Variants in GTF2I observed in about 807,000 individuals in gnomAD.
The protein encoded by GTF2I is general transcription factor II-I.
In GTF2I, 12 loss-of-function variants were observed where a neutral mutation model predicts 67.6. The observed-to-expected ratio is 0.18, with a 90% CI of 0.11 to 0.29. The LOEUF is 0.29. GTF2I is among the 10% of genes least tolerant of loss of function. GTF2I has a pLI of 1.00. For synonymous variants in GTF2I, 149 were observed against 197.0 expected (o/e 0.76, Z 2.04); for missense variants, 271 against 580.1 (o/e 0.47, Z 5.47).
intron 6 of GTF2I, among the ~76,000 whole-genome samples, chr7:74,702,105 T>C (rs1789859472): frequency 1.3e-5 from 2 of 152,214 alleles, no homozygotes; most frequent in South Asian, 4.1e-4. Flanking sequence ...CACCTTTGGG[T>C]ATTGGGAATA....
At chr7:74,683,920 T>C (rs1554394758) in intron 1 of GTF2I, among the ~76,000 whole-genome samples, 1 of 151,956 alleles carries the variant, frequency 6.6e-6, no homozygotes, top group Non-Finnish European at 1.5e-5. Flanking sequence ...CAGAGCAAAA[T>C]GTCCTCATTT....
rs188745867 is a variant in GTF2I at position 74,697,179 on chromosome 7, C to T, written c.239-1782C>T. Among the ~76,000 whole-genome samples the T allele has an allele frequency of 4.6e-3, 694 of 152,006 alleles. 2 individuals are homozygous for T. Among genetic ancestry groups the T allele is most frequent in the African/African-American group, 0.016 (669 of 41,484 alleles). On this transcript the variant is annotated intron_variant, in intron 3 of 34. Transcript: ENST00000573035. ...TTGGGAGGCAGAGGCAGGCGGATCACGAGGTCAGGAGATCGAGACCATGTG... is the reference window on the plus strand; with the variant it reads ...TTGGGAGGCAGAGGCAGGCGGATCATGAGGTCAGGAGATCGAGACCATGTG...
At chr7:74,689,672 T>C (rs1483371346) in intron 2 of GTF2I, among the ~76,000 whole-genome samples, 1 of 151,636 alleles carries the variant, frequency 6.6e-6, no homozygotes, top group Non-Finnish European at 1.5e-5. Context: ...TTTTTCTTCT[T>C]GAATAGTTAT....
At chr7:74,706,995 A>G (rs1359985637) in intron 8 of GTF2I, among the ~76,000 whole-genome samples, 3 of 152,136 alleles carry the variant, frequency 2.0e-5, no homozygotes, top group African/African-American at 7.2e-5. Flanking sequence ...GATTACAGGC[A>G]TACGCCATCA....
At position 74,708,953 on chromosome 7, in the gene GTF2I, G is replaced by C. The variant is rs587678237; in HGVS notation, c.686-2079G>C. On this transcript the variant is annotated intron_variant, in intron 8 of 34. Transcript: ENST00000573035. ...AATGGGGGGACACAGTGTTCCAGCAGTCACACCCATCGCTGGGAGACTGAC... is the reference window on the plus strand; with the variant it reads ...AATGGGGGGACACAGTGTTCCAGCACTCACACCCATCGCTGGGAGACTGAC... 2.0e-5 allele frequency among the ~76,000 whole-genome samples: 3 copies of C among 152,316 alleles called. 1 individual carries two copies. The highest frequency in any genetic ancestry group is 2.0e-4 in the Admixed American group (3 of 15,300).
Position 74,689,171 on chromosome 7 carries a change from G to C in GTF2I, c.43G>C (p.Glu15Gln). ...AMSTLPVEDE[E>Q]SSESRMVVTF... ...GTCCACCCTCCCCGTTGAAGATGAG[G>C]AGTCCTCGGAGAGCAGGATGGTGGT... is the stretch of plus-strand genomic sequence containing the variant. Residue 15 changes from glutamate (E) to glutamine (Q), a missense_variant, in exon 2 of 35, where the codon GAG (glutamate) becomes CAG (glutamine). Physicochemically the swap from Glu to Gln is conservative, Grantham distance 29. Transcript: ENST00000573035. The C allele has an allele frequency of 6.2e-7, 1 of 1,613,074 alleles. No homozygotes were observed. Among genetic ancestry groups the C allele is most frequent in the Non-Finnish European group, 8.5e-7 (1 of 1,179,270 alleles).
chr7:74,710,910 TAA>T, intron 8 of GTF2I, 120 bp from the exon 9 acceptor site: 1 of 546,854 alleles, frequency 1.8e-6, no homozygotes, highest in East Asian at 3.5e-5. Flanking sequence ...TTCAAAGACG[TAA>T]AGTCTTTACT....
intron 14 of GTF2I, among the ~76,000 whole-genome samples, chr7:74,730,787 A>G (rs1794409626): frequency 8.9e-6 from 1 of 112,782 alleles, no homozygotes; most frequent in East Asian, 3.1e-4. Context: ...GCTCATTGCA[A>G]CCTCCGCCTC....
intron 14 of GTF2I, among the ~76,000 whole-genome samples, chr7:74,731,527 G>GT (rs1298021398): frequency 1.5e-5 from 2 of 132,382 alleles, no homozygotes; most frequent in Non-Finnish European, 3.1e-5. Context: ...TTTGCCCGTG[G>GT]TTTTTTGTTT....
At chr7:74,700,134 T>C in intron 4 of GTF2I, 113 bp from the exon 5 acceptor site, 1 of 1,064,712 alleles carries the variant, frequency 9.4e-7, no homozygotes. Flanking sequence ...AATTTTGAAA[T>C]CATATATTAT....
intron 1 of GTF2I, among the ~76,000 whole-genome samples, chr7:74,659,550 G>A (rs1408029846): frequency 1.3e-5 from 2 of 151,872 alleles, no homozygotes; most frequent in Non-Finnish European, 2.9e-5. Context: ...CACCACGCCC[G>A]GCTAATTTTT....
At chr7:74,691,438 T>A (rs1031471094) in intron 3 of GTF2I, among the ~76,000 whole-genome samples, 1 of 152,222 alleles carries the variant, frequency 6.6e-6, no homozygotes, top group Non-Finnish European at 1.5e-5. Flanking sequence ...ACTCCCGACC[T>A]CAGGTGATCT....
intron 8 of GTF2I, among the ~76,000 whole-genome samples, chr7:74,710,565 A>G (rs1791414536): frequency 6.6e-6 from 1 of 152,190 alleles, no homozygotes; most frequent in South Asian, 2.1e-4. Flanking sequence ...TGTGCTTTGT[A>G]CCCTTACACA....
chr7:74,687,111 G>C (rs1787807109), intron 1 of GTF2I, among the ~76,000 whole-genome samples: 1 of 151,974 alleles, frequency 6.6e-6, no homozygotes, highest in South Asian at 2.1e-4. Context: ...GGATGGTCTC[G>C]AACTCCTGGC....
chr7:74,711,281 A>G (rs1192724412), intron 9 of GTF2I, among the ~76,000 whole-genome samples, 172 bp downstream of exon 9: 2 of 152,186 alleles, frequency 1.3e-5, no homozygotes, highest in Admixed American at 1.3e-4. Context: ...GGGCTAAAAG[A>G]TCAACTCAGA....
chr7:74,726,845 ATAG>A (rs2131494550), intron 12 of GTF2I: 1 of 148,302 alleles, frequency 6.7e-6, no homozygotes, highest in South Asian at 2.2e-4. Context: ...AGATAGATAG[ATAG>A]ATAGATAGAT....
chr7:74,681,383 C>T (rs587764927), intron 1 of GTF2I, among the ~76,000 whole-genome samples: 15 of 150,560 alleles, frequency 1.0e-4, no homozygotes, highest in African/African-American at 3.4e-4. Context: ...TGCAGTGAGC[C>T]GAGATCGTGC....
chr7:74,701,530 G>T (rs1486464465), intron 6 of GTF2I, among the ~76,000 whole-genome samples: 2 of 152,056 alleles, frequency 1.3e-5, no homozygotes, highest in African/African-American at 4.8e-5. Flanking sequence ...GAGTGCAGTG[G>T]CGCGATCTTG....
chr7:74,712,512 G>GTGTGTGTGTGTGTT (rs1791711313), intron 9 of GTF2I, among the ~76,000 whole-genome samples: 1 of 150,054 alleles, frequency 6.7e-6, no homozygotes, highest in African/African-American at 2.5e-5. Context: ...GTGTGTGTGT[G>GTGTGTGTGTGTGTT]TGTGTGTGTG....
Sources: gnomAD v4.1 joint callset for allele counts (sites outside exome capture counted in the v4.1 genomes callset) on GRCh38, gnomAD v4.1.1 for gene constraint, MANE v1.5 for transcripts, NCBI Gene and HGNC (gene_info 2026-07-23, HGNC 2026-07-21) for gene names.